Variants in ROBO2 observed in about 807,000 individuals in gnomAD.
ROBO2 encodes roundabout guidance receptor 2, also known as roundabout homolog 2.
A neutral mutation model predicts 160.8 loss-of-function variants in ROBO2; 53 were observed. The ratio of observed to expected loss-of-function variants is 0.33; its 90% CI spans 0.26 to 0.41. The LOEUF (loss-of-function observed/expected upper bound fraction) is 0.41. ROBO2 is among the 10% of genes least tolerant of loss of function. ROBO2 has a pLI of 1.00. For synonymous variants in ROBO2, 664 were observed against 611.7 expected, an observed-to-expected ratio of 1.09 and a Z score of -1.26; for missense variants, 1,577 against 1,722.4, an observed-to-expected ratio of 0.92 and a Z score of 1.49.
chr3:76,930,678 T>C (rs2077281330), intron 2 of ROBO2, among the ~76,000 whole-genome samples: 1 of 152,176 alleles, frequency 6.6e-6, no homozygotes, highest in Non-Finnish European at 1.5e-5. Context: ...AAGCTGGTAA[T>C]ACAGTTCTGG....
intron 2 of ROBO2, among the ~76,000 whole-genome samples, chr3:76,614,030 T>C (rs1037050505): frequency 1.3e-5 from 2 of 152,036 alleles, no homozygotes; most frequent in East Asian, 1.9e-4. Context: ...ATTTCTCTAA[T>C]ACTGAATTTA....
chr3:76,113,881 T>C (rs1156279510), intron 2 of ROBO2, among the ~76,000 whole-genome samples: 1 of 152,088 alleles, frequency 6.6e-6, no homozygotes, highest in Admixed American at 6.6e-5. Context: ...CTCTATTAGT[T>C]CATGTGAGAG....
chr3:76,511,143 C>T (rs957600682), intron 2 of ROBO2, among the ~76,000 whole-genome samples: 7 of 152,128 alleles, frequency 4.6e-5, no homozygotes, highest in Middle Eastern at 3.2e-3. Flanking sequence ...ATGCAGCTGA[C>T]GAGACACCCT....
chr3:77,124,801 A>C (rs1053258212), intron 2 of ROBO2, among the ~76,000 whole-genome samples: 2 of 152,034 alleles, frequency 1.3e-5, no homozygotes, highest in African/African-American at 2.4e-5. Context: ...ATAATTTCTT[A>C]CAGTTTCCAA....
chr3:76,756,763 T>G (rs72892322), intron 2 of ROBO2, among the ~76,000 whole-genome samples: 2 of 151,838 alleles, frequency 1.3e-5, no homozygotes, highest in Admixed American at 6.6e-5. Context: ...CAAACCGGTT[T>G]TGATTACGAG....
chr3:76,054,922 C>A lies in ROBO2; in HGVS notation c.109+117320C>A, dbSNP rs149174862. ...GAGGTGAGGAATCTCTGGACATATCCTTAAGTTGATTGATTATCAATTTGA... is the reference window on the plus strand; with the variant it reads ...GAGGTGAGGAATCTCTGGACATATCATTAAGTTGATTGATTATCAATTTGA... On this transcript the variant is annotated intron_variant, in intron 2 of 26. Transcript: ENST00000487694. 2.9e-4 allele frequency among the ~76,000 whole-genome samples: 44 copies of A among 152,166 alleles called. No individual in the cohort carries two copies. The East Asian group carries it at 7.4e-3, about 25-fold the overall frequency.
intron 2 of ROBO2, among the ~76,000 whole-genome samples, chr3:76,316,403 C>T (rs887314287): frequency 2.0e-5 from 3 of 152,086 alleles, no homozygotes; most frequent in African/African-American, 7.2e-5. Context: ...TGATATCGCT[C>T]CTACTTCCAT....
chr3:77,311,571 C>T (rs1377648458), intron 2 of ROBO2, among the ~76,000 whole-genome samples: 10 of 152,136 alleles, frequency 6.6e-5, no homozygotes. Context: ...GAAAGGGATT[C>T]AGCGTTAAAT....
intron 2 of ROBO2, among the ~76,000 whole-genome samples, chr3:76,201,873 A>C (rs1041297893): frequency 2.1e-5 from 3 of 140,222 alleles, no homozygotes; most frequent in Non-Finnish European, 4.6e-5. Context: ...ACATGGTGCA[A>C]TACAACGAGA....
At chr3:77,592,554 T>C (rs936820161) in intron 17 of ROBO2, among the ~76,000 whole-genome samples, 2 of 151,996 alleles carry the variant, frequency 1.3e-5, no homozygotes, top group African/African-American at 4.8e-5. Flanking sequence ...TATATAAATA[T>C]ATAATTTTTT....
intron 2 of ROBO2, among the ~76,000 whole-genome samples, chr3:76,491,462 A>C (rs143283610): frequency 3.9e-4 from 60 of 152,326 alleles, no homozygotes; most frequent in Non-Finnish European, 7.3e-4. Context: ...CTTGGAAGTT[A>C]CTGGAGAACT....
At chr3:76,820,623 TG>T (rs1428997656) in intron 2 of ROBO2, among the ~76,000 whole-genome samples, 2 of 152,012 alleles carry the variant, frequency 1.3e-5, no homozygotes. Context: ...TGGCTTGTCT[TG>T]AATGAGTTTA....
At chr3:77,640,229 A>C (rs1453285637) in intron 24 of ROBO2, among the ~76,000 whole-genome samples, 1 of 145,834 alleles carries the variant, frequency 6.9e-6, no homozygotes, top group Admixed American at 7.2e-5. Flanking sequence ...CTCCTGCCTC[A>C]GCCTCCCGAG....
In ROBO2 at chr3:77,479,525, A is replaced by G. The variant is rs141812108; in HGVS notation, c.547-1574A>G. On this transcript the variant is annotated intron_variant, in intron 3 of 25. Coordinates refer to ENST00000461745, the Ensembl canonical transcript of ROBO2. ...TGACTTACAATTTCCTTTAGTTCAA[A>G]GTGCTCAGAAAGCCAAAGCACCACA... Among the ~76,000 whole-genome samples the G allele has an allele frequency of 4.5e-3, 690 of 152,246 alleles. 3 individuals carry two copies. The highest frequency in any genetic ancestry group is 0.015 in the African/African-American group (618 of 41,546).
intron 2 of ROBO2, among the ~76,000 whole-genome samples, chr3:77,110,692 T>G (rs553511571): frequency 0.023 from 3,430 of 149,132 alleles, 51 homozygotes; most frequent in Non-Finnish European, 0.037. Flanking sequence ...TACATATATA[T>G]ATATAGAGAG....
At chr3:77,109,127 G>T (rs116108259) in intron 2 of ROBO2, among the ~76,000 whole-genome samples, 1 of 152,248 alleles carries the variant, frequency 6.6e-6, no homozygotes, top group South Asian at 2.1e-4. Context: ...TTTAAAAAAC[G>T]CATCTGTAGT....
intron 2 of ROBO2, among the ~76,000 whole-genome samples, chr3:77,334,779 A>T (rs114604903): frequency 5.8e-4 from 89 of 152,262 alleles, no homozygotes; most frequent in African/African-American, 2.0e-3. Flanking sequence ...CAAATCTGCC[A>T]CTAAGGTACC....
intron 2 of ROBO2, among the ~76,000 whole-genome samples, chr3:76,779,042 G>A (rs1474943185): frequency 6.6e-6 from 1 of 150,956 alleles, no homozygotes; most frequent in Non-Finnish European, 1.5e-5. Context: ...AGAACTGTCT[G>A]ACTTCATAAT....
chr3:77,377,375 A>T (rs939949950), intron 2 of ROBO2, among the ~76,000 whole-genome samples: 1 of 152,206 alleles, frequency 6.6e-6, no homozygotes, highest in Non-Finnish European at 1.5e-5. Context: ...ACTGTGTAAA[A>T]GGTACATTAG....
Sources: gnomAD v4.1 joint callset for allele counts (sites outside exome capture counted in the v4.1 genomes callset) on GRCh38, gnomAD v4.1.1 for gene constraint, MANE v1.5 for transcripts, NCBI Gene and HGNC (gene_info 2026-07-23, HGNC 2026-07-21) for gene names.